STARD13: variants seen among roughly 807,000 people sequenced by gnomAD.
STARD13 encodes StAR related lipid transfer domain containing 13.
In STARD13, 62 loss-of-function variants were observed where a neutral mutation model predicts 106.4. The ratio of observed to expected loss-of-function variants is 0.58; its 90% CI spans 0.48 to 0.72. The LOEUF (loss-of-function observed/expected upper bound fraction) is 0.72. Among genes scored for constraint, STARD13 ranks in the 30% least tolerant of loss-of-function variants. STARD13 has a pLI of 0.00. For missense variants in STARD13, 1,387 were observed against 1,424.0 expected, an observed-to-expected ratio of 0.97 and a Z score of 0.42; for synonymous variants, 565 against 553.0, an observed-to-expected ratio of 1.02 and a Z score of -0.31.
the STARD13 span, among the ~76,000 whole-genome samples, chr13:33,358,738 A>G: frequency 6.6e-6 from 1 of 152,096 alleles, no homozygotes; most frequent in Non-Finnish European, 1.5e-5. Flanking sequence ...CTCTGTATCT[A>G]GCTGCTCTGG....
At chr13:33,406,044 A>G in the STARD13 span, among the ~76,000 whole-genome samples, 1 of 152,256 alleles carries the variant, frequency 6.6e-6, no homozygotes, top group Non-Finnish European at 1.5e-5. Context: ...ATCGAGCTTC[A>G]GGCAACTTAA....
the STARD13 span, among the ~76,000 whole-genome samples, chr13:33,600,700 G>A: frequency 6.6e-6 from 1 of 152,146 alleles, no homozygotes; most frequent in Admixed American, 6.5e-5. Context: ...CAGAAACATT[G>A]TATGGCTGTC....
the STARD13 span, among the ~76,000 whole-genome samples, chr13:33,665,468 T>C: frequency 6.6e-6 from 1 of 152,238 alleles, no homozygotes; most frequent in African/African-American, 2.4e-5. Flanking sequence ...TACCTTTAAT[T>C]AAGAAATAAG....
intron 1 of STARD13, among the ~76,000 whole-genome samples, chr13:33,237,679 C>T (rs1193566004): frequency 6.6e-6 from 1 of 152,194 alleles, no homozygotes; most frequent in Admixed American, 6.5e-5. Flanking sequence ...CCACCATCCC[C>T]TACACCCATT....
At chr13:33,572,342 T>C in the STARD13 span, among the ~76,000 whole-genome samples, 1 of 152,182 alleles carries the variant, frequency 6.6e-6, no homozygotes, top group Admixed American at 6.6e-5. Flanking sequence ...TGTAGCCAAC[T>C]GTTCGAACCA....
chr13:33,176,221 C>A (rs1250460674), intron 1 of STARD13, among the ~76,000 whole-genome samples: 1 of 152,138 alleles, frequency 6.6e-6, no homozygotes, highest in African/African-American at 2.4e-5. Context: ...CAAGTATAAT[C>A]CTATTATCTG....
the STARD13 span, among the ~76,000 whole-genome samples, chr13:33,401,595 A>G: frequency 6.6e-6 from 1 of 152,146 alleles, no homozygotes; most frequent in Non-Finnish European, 1.5e-5. Flanking sequence ...GGGTGCTTTT[A>G]CCCAACTTTC....
the STARD13 span, among the ~76,000 whole-genome samples, chr13:33,601,874 C>T: frequency 6.6e-6 from 1 of 152,144 alleles, no homozygotes; most frequent in Non-Finnish European, 1.5e-5. Flanking sequence ...TGGATATTTT[C>T]CTGAGGATGC....
At chr13:33,469,569 G>A in the STARD13 span, among the ~76,000 whole-genome samples, 1 of 152,088 alleles carries the variant, frequency 6.6e-6, no homozygotes, top group Admixed American at 6.6e-5. Flanking sequence ...TACTCCCATA[G>A]ACATTGGGTA....
At chr13:33,470,322 A>T in the STARD13 span, among the ~76,000 whole-genome samples, 1 of 152,134 alleles carries the variant, frequency 6.6e-6, no homozygotes, top group African/African-American at 2.4e-5. Flanking sequence ...CCAGTCTATC[A>T]TTGATGGGCA....
the STARD13 span, among the ~76,000 whole-genome samples, chr13:33,584,693 G>A: frequency 6.6e-6 from 1 of 151,938 alleles, no homozygotes; most frequent in African/African-American, 2.4e-5. Flanking sequence ...TAGCAAAATG[G>A]GCACCGTTCA....
At chr13:33,411,731 C>T in the STARD13 span, among the ~76,000 whole-genome samples, 1 of 152,306 alleles carries the variant, frequency 6.6e-6, no homozygotes, top group East Asian at 1.9e-4. Flanking sequence ...TAATATGTAG[C>T]CTTTTCATAT....
At chr13:33,486,544 G>C in the STARD13 span, among the ~76,000 whole-genome samples, 9 of 152,164 alleles carry the variant, frequency 5.9e-5, no homozygotes, top group Non-Finnish European at 8.8e-5. Context: ...TTATTGTACT[G>C]TACCACTGTA....
chr13:33,453,158 A>C, the STARD13 span, among the ~76,000 whole-genome samples: 1 of 152,264 alleles, frequency 6.6e-6, no homozygotes, highest in Non-Finnish European at 1.5e-5. Context: ...TCAAGATTAT[A>C]CAAGATTGTA....
the STARD13 span, among the ~76,000 whole-genome samples, chr13:33,602,232 C>T: frequency 1.3e-5 from 2 of 151,982 alleles, no homozygotes; most frequent in Non-Finnish European, 2.9e-5. Context: ...GCTGGGACTA[C>T]AGGCACGTGC....
At chr13:33,362,505 T>A in the STARD13 span, among the ~76,000 whole-genome samples, 1 of 152,196 alleles carries the variant, frequency 6.6e-6, no homozygotes, top group Non-Finnish European at 1.5e-5. Flanking sequence ...TGAGAAATCC[T>A]TTGGATTTAA....
chr13:33,233,636 C>A (rs1889037656), intron 1 of STARD13, among the ~76,000 whole-genome samples: 1 of 152,256 alleles, frequency 6.6e-6, no homozygotes, highest in Non-Finnish European at 1.5e-5. Flanking sequence ...CTCAGAAAGG[C>A]TGTAACACCA....
At chr13:33,166,397 G>C (rs1883316029) in intron 2 of STARD13, among the ~76,000 whole-genome samples, 1 of 152,026 alleles carries the variant, frequency 6.6e-6, no homozygotes, top group African/African-American at 2.4e-5. Context: ...CTCCTCCTGG[G>C]CTCTGGCACT....
intron 8 of STARD13, among the ~76,000 whole-genome samples, chr13:33,117,140 G>A (rs901219370): frequency 3.3e-5 from 5 of 151,904 alleles, no homozygotes; most frequent in Admixed American, 1.3e-4. Flanking sequence ...ATGGAGTCTC[G>A]CTCTGTCACC....
Sources: gnomAD v4.1 joint callset for allele counts (sites outside exome capture counted in the v4.1 genomes callset) on GRCh38, gnomAD v4.1.1 for gene constraint, MANE v1.5 for transcripts, NCBI Gene and HGNC (gene_info 2026-07-23, HGNC 2026-07-21) for gene names.